GNB4: variants seen among roughly 807,000 people sequenced by gnomAD.
GNB4 encodes G protein subunit beta 4, also known as guanine nucleotide-binding protein subunit beta-4.
In GNB4, 28 loss-of-function variants were observed where a neutral mutation model predicts 45.2. That is an observed-to-expected ratio of 0.62 (90% confidence interval 0.46 to 0.85). The LOEUF is 0.85. Among genes scored for constraint, GNB4 ranks in the 40% least tolerant of loss-of-function variants. GNB4 has a pLI of 0.00. For missense variants in GNB4, 321 were observed against 425.4 expected, an observed-to-expected ratio of 0.75 and a Z score of 2.16; for synonymous variants, 132 against 143.7, an observed-to-expected ratio of 0.92 and a Z score of 0.58.
At chr3:179,479,413 G>A in the GNB4 span, among the ~76,000 whole-genome samples, 7 of 152,226 alleles carry the variant, frequency 4.6e-5, no homozygotes, top group African/African-American at 1.4e-4. Flanking sequence ...ATCTCTTACA[G>A]CCATTTAAAC....
chr3:179,484,637 T>C, the GNB4 span, among the ~76,000 whole-genome samples: 56 of 152,202 alleles, frequency 3.7e-4, no homozygotes, highest in African/African-American at 1.3e-3. Context: ...GTGATTTCAT[T>C]GTTTTTAAAT....
chr3:179,509,492 C>T, the GNB4 span, among the ~76,000 whole-genome samples: 3 of 151,848 alleles, frequency 2.0e-5, no homozygotes, highest in Non-Finnish European at 4.4e-5. Flanking sequence ...AGGTGGTAGC[C>T]CTAGGGGTTG....
chr3:179,419,612 T>G (rs1335104377), intron 3 of GNB4, 107 bp from the exon 4 acceptor site: 5 of 730,508 alleles, frequency 6.8e-6, no homozygotes, highest in Non-Finnish European at 1.2e-5. Flanking sequence ...AGTACATTTA[T>G]AGTAACTGAA....
chr3:179,413,899 TATAG>T, intron 6 of GNB4, 118 bp from the exon 7 acceptor site: 1 of 721,300 alleles, frequency 1.4e-6, no homozygotes, highest in Non-Finnish European at 2.3e-6. Context: ...TGTTTGTCAA[TATAG>T]TCTATAGTTC....
chr3:179,521,685 A>C, the GNB4 span, among the ~76,000 whole-genome samples: 1 of 152,124 alleles, frequency 6.6e-6, no homozygotes, highest in Admixed American at 6.5e-5. Flanking sequence ...AAAGTAAATA[A>C]ATAATCTTTG....
At chr3:179,482,181 C>T in the GNB4 span, among the ~76,000 whole-genome samples, 86 of 152,322 alleles carry the variant, frequency 5.6e-4, no homozygotes, top group Non-Finnish European at 1.0e-3. Context: ...CAGGCGTGAA[C>T]CACCACACCT....
chr3:179,468,035 A>AAAAAAAAAAAAAAAAAAAATATATATAT, the GNB4 span, among the ~76,000 whole-genome samples: 1 of 89,856 alleles, frequency 1.1e-5, no homozygotes, highest in African/African-American at 4.0e-5. Flanking sequence ...TGTTGATAAA[A>AAAAAAAAAAAAAAAAAAAATATATATAT]ATATATATAT....
the GNB4 span, among the ~76,000 whole-genome samples, chr3:179,459,868 A>G: frequency 6.6e-6 from 1 of 152,192 alleles, no homozygotes; most frequent in African/African-American, 2.4e-5. Context: ...TCATAAACAA[A>G]AATCAAGTAG....
chr3:179,518,279 C>T, the GNB4 span, among the ~76,000 whole-genome samples: 71 of 152,302 alleles, frequency 4.7e-4, no homozygotes, highest in African/African-American at 1.7e-3. Context: ...TTCCATGCTA[C>T]AAGATCTAAA....
At chr3:179,443,433 C>G (rs9853833) in intron 1 of GNB4, among the ~76,000 whole-genome samples, 1 of 151,618 alleles carries the variant, frequency 6.6e-6, no homozygotes, top group Non-Finnish European at 1.5e-5. Context: ...CAGCTACTTG[C>G]GAGGCTGAGG....
chr3:179,410,038 A>G (rs566686292), intron 8 of GNB4, among the ~76,000 whole-genome samples: 142 of 152,088 alleles, frequency 9.3e-4, no homozygotes, highest in Admixed American at 2.6e-3. Context: ...ATGGTTTATA[A>G]GGGGCTTCCC....
intron 3 of GNB4, among the ~76,000 whole-genome samples, chr3:179,420,219 C>T (rs533000586): frequency 3.3e-5 from 5 of 149,800 alleles, no homozygotes; most frequent in Non-Finnish European, 5.9e-5. Context: ...ATATCTGCCT[C>T]CCAGGTTCAA....
At chr3:179,472,174 A>G in the GNB4 span, among the ~76,000 whole-genome samples, 5 of 152,114 alleles carry the variant, frequency 3.3e-5, no homozygotes, top group Admixed American at 3.3e-4. Context: ...TTTTAATGCC[A>G]ATTTTATACA....
the GNB4 span, among the ~76,000 whole-genome samples, chr3:179,500,820 T>G: frequency 6.6e-6 from 1 of 152,204 alleles, no homozygotes; most frequent in African/African-American, 2.4e-5. Flanking sequence ...GTTGGATTCC[T>G]AGGTATTTTA....
At chr3:179,457,183 C>G in the GNB4 span, among the ~76,000 whole-genome samples, 1 of 152,166 alleles carries the variant, frequency 6.6e-6, no homozygotes, top group African/African-American at 2.4e-5. Context: ...CTTCTTACCC[C>G]AAGGAATATT....
At chr3:179,512,422 G>A in the GNB4 span, among the ~76,000 whole-genome samples, 1 of 152,036 alleles carries the variant, frequency 6.6e-6, no homozygotes, top group South Asian at 2.1e-4. Context: ...GCTACATTTA[G>A]AGAACAACTT....
At position 179,419,497 on chromosome 3, in the gene GNB4, T is replaced by A; in HGVS notation, c.105A>T (p.Ser35=). ...CNDATLVQIT[S]NMDSVGRIQM... ...GTATTCGACCCACAGAGTCCATATTTGATGTAATCTTTTGAAAGCAACAAA... is the reference window on the plus strand; with the variant it reads ...GTATTCGACCCACAGAGTCCATATTAGATGTAATCTTTTGAAAGCAACAAA... Residue 35 remains serine, a synonymous_variant, in exon 4 of 10, where the codon TCA becomes TCT. Coordinates refer to ENST00000232564, the MANE Select transcript of GNB4 (RefSeq NM_021629.4). The A allele has an allele frequency of 6.3e-7, 1 of 1,592,746 alleles. No individual in the cohort carries two copies. The highest frequency in any genetic ancestry group is 8.6e-7 in the Non-Finnish European group (1 of 1,160,726).
At chr3:179,504,276 T>C in the GNB4 span, among the ~76,000 whole-genome samples, 1 of 152,170 alleles carries the variant, frequency 6.6e-6, no homozygotes, top group Non-Finnish European at 1.5e-5. Context: ...ACAGGCCTGA[T>C]ACTGTGTAAA....
At chr3:179,419,155 G>A (rs897022318) in intron 4 of GNB4, among the ~76,000 whole-genome samples, 3 of 152,188 alleles carry the variant, frequency 2.0e-5, no homozygotes, top group Non-Finnish European at 4.4e-5. Context: ...TGTCTGCAAT[G>A]TTCCACTGCA....
Sources: gnomAD v4.1 joint callset for allele counts (sites outside exome capture counted in the v4.1 genomes callset) on GRCh38, gnomAD v4.1.1 for gene constraint, MANE v1.5 for transcripts, NCBI Gene and HGNC (gene_info 2026-07-23, HGNC 2026-07-21) for gene names.